The following BRI3 variants were observed in gnomAD, a reference collection of about 807,000 sequenced individuals.
BRI3 encodes the protein membrane protein BRI3.
A neutral mutation model predicts 12.8 loss-of-function variants in BRI3; 6 were observed. The ratio of observed to expected loss-of-function variants is 0.47; its 90% confidence interval spans 0.26 to 0.93. The LOEUF (loss-of-function observed/expected upper bound fraction) is 0.93, where lower values mean the gene tolerates loss of function less well. Among genes scored for constraint, BRI3 ranks in the 40% least tolerant of loss-of-function variants. BRI3 has a pLI of 0.15. For missense variants in BRI3, 134 were observed against 171.1 expected, an observed-to-expected ratio of 0.78 and a Z score of 1.21; for synonymous variants, 91 against 76.1, an observed-to-expected ratio of 1.20 and a Z score of -1.02.
chr7:98,312,598 G>C (rs565731060), downstream of BRI3, among the ~76,000 whole-genome samples: 2 of 152,152 alleles, frequency 1.3e-5, no homozygotes, highest in Non-Finnish European at 2.9e-5. Context: ...CGTTTTCCAG[G>C]TGGCCCCAGA....
chr7:98,286,362 A>C (rs1055741476), intron 2 of BRI3, among the ~76,000 whole-genome samples: 1 of 152,238 alleles, frequency 6.6e-6, no homozygotes, highest in Non-Finnish European at 1.5e-5. Context: ...CTTTCACTGC[A>C]GGACTGGAGT....
downstream of BRI3, among the ~76,000 whole-genome samples, chr7:98,295,995 C>T (rs1394542054): frequency 6.6e-6 from 1 of 152,206 alleles, no homozygotes; most frequent in Non-Finnish European, 1.5e-5. Context: ...AAGCAGGGCA[C>T]ACACCCATGG....
chr7:98,282,306 G>C (rs111849767), intron 1 of BRI3, 45 bp from the exon 2 acceptor site: 4 of 1,516,816 alleles, frequency 2.6e-6, no homozygotes, highest in Non-Finnish European at 3.7e-6. Flanking sequence ...GTGGCGGTCC[G>C]ATTTCTCCTC....
downstream of BRI3, among the ~76,000 whole-genome samples, chr7:98,295,434 C>T (rs1405257919): frequency 6.6e-6 from 1 of 152,238 alleles, no homozygotes; most frequent in Non-Finnish European, 1.5e-5. Context: ...CTGCGGGGCA[C>T]TCAACGCTTC....
downstream of BRI3, among the ~76,000 whole-genome samples, chr7:98,297,238 G>A (rs1800230259): frequency 6.6e-6 from 1 of 152,258 alleles, no homozygotes; most frequent in Non-Finnish European, 1.5e-5. Flanking sequence ...TGTGGACACT[G>A]GCTGACCACC....
At chr7:98,318,992 A>C in the BRI3 span, among the ~76,000 whole-genome samples, 1 of 151,704 alleles carries the variant, frequency 6.6e-6, no homozygotes, top group Non-Finnish European at 1.5e-5. Context: ...GAGTTTCTGA[A>C]GGCATAGCAA....
chr7:98,322,297 G>A, the BRI3 span, among the ~76,000 whole-genome samples: 1 of 152,250 alleles, frequency 6.6e-6, no homozygotes. Context: ...TGGCCACCCA[G>A]GCTTCCCTTG....
upstream of BRI3, chr7:98,306,374 G>A: frequency 6.4e-7 from 1 of 1,574,550 alleles, no homozygotes; most frequent in Non-Finnish European, 8.7e-7. Context: ...AGATGGTGGT[G>A]TGTTACAGAA....
chr7:98,293,543 C>A, downstream of BRI3: 1 of 1,613,666 alleles, frequency 6.2e-7, no homozygotes, highest in South Asian at 1.1e-5. Context: ...GGGTGCCGAG[C>A]GATCATTCGT....
chr7:98,298,476 A>G (rs1173486792), intron 1 of BRI3, among the ~76,000 whole-genome samples: 3 of 151,892 alleles, frequency 2.0e-5, no homozygotes, highest in African/African-American at 7.2e-5. Flanking sequence ...AGCCAGGCGT[A>G]GTGGCGGGCG....
chr7:98,284,810 C>T (rs1036358497), intron 2 of BRI3, among the ~76,000 whole-genome samples: 7 of 152,190 alleles, frequency 4.6e-5, no homozygotes, highest in Admixed American at 6.5e-5. Flanking sequence ...AGCCTGGCGG[C>T]GGATATGTCC....
the BRI3 span, chr7:98,317,343 C>T: frequency 2.5e-6 from 4 of 1,613,770 alleles, no homozygotes; most frequent in South Asian, 1.1e-5. Context: ...TGTTTGGTAT[C>T]TTTTTAGAGT....
In BRI3 at chr7:98,300,143, T is replaced by C. The variant is rs192152827; in HGVS notation, c.72-6340T>C. On this transcript the variant is annotated intron_variant and NMD_transcript_variant, in intron 1 of 2. Coordinates refer to the BRI3 transcript ENST00000491463. ...GCTGCCCTGTGTGCCCTGTGGCTGCTGGACTGGGCAGGGAACATTTCCATC... is the reference window on the plus strand; with the variant it reads ...GCTGCCCTGTGTGCCCTGTGGCTGCCGGACTGGGCAGGGAACATTTCCATC... 3.0e-4 allele frequency among the ~76,000 whole-genome samples: 46 copies of C among 152,366 alleles called. No individual in the cohort carries two copies. The South Asian group carries it at 5.2e-3, about 17-fold the overall frequency.
the BRI3 span, among the ~76,000 whole-genome samples, chr7:98,315,888 A>G: frequency 6.6e-6 from 1 of 152,184 alleles, no homozygotes; most frequent in Non-Finnish European, 1.5e-5. Context: ...CAGAGATATG[A>G]TCGTGTCCTA....
rs1799954091 is a variant in BRI3, at chr7:98,291,502, CAATA to C, written c.*263_*266del. ...TGAGAAAGGTGAGAAATAATGTTTT[CAATA>C]AATGAGATTCATACCATTGTTGACC... On this transcript the variant is annotated 3_prime_UTR_variant, in exon 3 of 3. Transcript: ENST00000297290. The C allele has an allele frequency of 7.8e-7, 1 of 1,288,382 alleles. No individual in the cohort carries two copies. Among genetic ancestry groups the C allele is most frequent in the African/African-American group, 1.5e-5 (1 of 66,036 alleles). 79.8% of individuals were successfully genotyped at this position (1,288,382 alleles called of 1,614,324 possible).
chr7:98,302,696 G>A (rs566538272), upstream of BRI3, among the ~76,000 whole-genome samples: 3 of 152,188 alleles, frequency 2.0e-5, no homozygotes, highest in Non-Finnish European at 2.9e-5. Flanking sequence ...GCAGAGGGGG[G>A]ACCTGTAGCT....
At chr7:98,296,235 G>A (rs921042808), downstream of BRI3, among the ~76,000 whole-genome samples, 6 of 152,248 alleles carry the variant, frequency 3.9e-5, no homozygotes, top group Non-Finnish European at 8.8e-5. Context: ...GTGATCGTGG[G>A]GGCCGGGAAC....
rs1254895317 is a variant in BRI3, at chr7:98,306,757, G to A, written n.144+92G>A. The A allele has an allele frequency of 1.9e-5, 10 of 523,974 alleles. No homozygotes were observed. The East Asian group carries it at 4.0e-4, about 21-fold the overall frequency. The allele number at this position is 523,974 out of a possible 1,614,324, so 32.5% of individuals were successfully genotyped here. ...GGGTCTCGCTCTGTTGCCCAGGCTGGAGTGCAGTGGTGCGATCATAGCTCA... is the reference window on the plus strand; with the variant it reads ...GGGTCTCGCTCTGTTGCCCAGGCTGAAGTGCAGTGGTGCGATCATAGCTCA... On this transcript the variant is annotated intron_variant and non_coding_transcript_variant, in intron 1 of 1. Transcript: ENST00000485422.
At chr7:98,283,578 T>TCTCTCC (rs1196918971) in intron 2 of BRI3, among the ~76,000 whole-genome samples, 4 of 151,938 alleles carry the variant, frequency 2.6e-5, no homozygotes, top group African/African-American at 9.7e-5. Context: ...GGGACATAGT[T>TCTCTCC]CTCTCCCGGA....
Sources: allele counts gnomAD v4.1 joint callset (sites outside exome capture counted in the v4.1 genomes callset), GRCh38; gene constraint gnomAD v4.1.1; transcripts MANE v1.5; gene names NCBI Gene and HGNC (gene_info 2026-07-23, HGNC 2026-07-21).